CCDC141: variants seen among roughly 807,000 people sequenced by gnomAD.
The protein encoded by CCDC141 is coiled-coil domain-containing protein 141.
Under a neutral mutation model 181.0 loss-of-function variants are expected in CCDC141, and 168 were observed. The ratio of observed to expected loss-of-function variants is 0.93; its 90% CI spans 0.82 to 1.05. CCDC141 has a LOEUF of 1.05. CCDC141 is among the 50% of genes least tolerant of loss of function. The pLI, the probability that CCDC141 is intolerant of heterozygous loss-of-function variation, is 0.00. For synonymous variants in CCDC141, 666 were observed against 642.3 expected (o/e 1.04, Z -0.56); for missense variants, 1,902 against 1,788.5 (o/e 1.06, Z -1.14).
chr2:178,972,903 G>A (rs1270501660), intron 4 of CCDC141, among the ~76,000 whole-genome samples: 1 of 152,130 alleles, frequency 6.6e-6, no homozygotes, highest in Non-Finnish European at 1.5e-5. Context: ...TGCTGAATAA[G>A]GAGAAAGCAT....
intron 2 of CCDC141, among the ~76,000 whole-genome samples, chr2:178,982,947 C>A (rs954345718): frequency 1.3e-5 from 2 of 152,238 alleles, no homozygotes; most frequent in Admixed American, 6.5e-5. Context: ...GAAGCTCGAA[C>A]TGGATGGAGC....
chr2:179,024,575 G>A (rs1218751286), intron 2 of CCDC141, among the ~76,000 whole-genome samples: 6 of 152,170 alleles, frequency 3.9e-5, no homozygotes, highest in Non-Finnish European at 7.3e-5. Context: ...AGTTATAGAA[G>A]GTACTCAGAG....
chr2:179,030,531 T>A (rs2042973538), intron 2 of CCDC141, among the ~76,000 whole-genome samples: 1 of 152,080 alleles, frequency 6.6e-6, no homozygotes, highest in Non-Finnish European at 1.5e-5. Flanking sequence ...GCATTAATGC[T>A]CCCAGAATTT....
intron 7 of CCDC141, among the ~76,000 whole-genome samples, chr2:178,914,306 T>C (rs1486704130): frequency 2.0e-5 from 3 of 152,198 alleles, no homozygotes; most frequent in Admixed American, 6.5e-5. Flanking sequence ...ATTTGACAAA[T>C]AGGTTCATTC....
chr2:179,030,302 A>T (rs1327382339), intron 2 of CCDC141, among the ~76,000 whole-genome samples: 1 of 152,102 alleles, frequency 6.6e-6, no homozygotes, highest in African/African-American at 2.4e-5. Flanking sequence ...AAGTAACAAA[A>T]TACACAATCT....
Position 179,015,819 on chromosome 2 carries a change from T to G in CCDC141, c.225+31465A>C, listed in dbSNP as rs2042513240. Among the ~76,000 whole-genome samples, 5 of 138,658 alleles carry G rather than the reference T, an allele frequency of 3.6e-5. No homozygotes were observed. In the Admixed American group the frequency reaches 3.8e-4, roughly 11 times the overall value. 91.0% of individuals were successfully genotyped at this position (138,658 alleles called of 152,430 possible). A position where few individuals can be genotyped will look rare whatever the true frequency, so the allele number is the denominator to read the frequency against. ...ATCTCATATATGTATCATATATATC[T>G]CATATATGTATCATATATATCTCAT... On this transcript the variant is annotated intron_variant, in intron 2 of 23. Transcript: ENST00000443758.
At chr2:178,977,310 A>C (rs1691163390) in intron 3 of CCDC141, among the ~76,000 whole-genome samples, 2 of 152,156 alleles carry the variant, frequency 1.3e-5, no homozygotes, top group African/African-American at 4.8e-5. Context: ...ATATTGCTCC[A>C]ATGCTAGAAA....
chr2:178,955,790 G>GA (rs1244814918), intron 5 of CCDC141, among the ~76,000 whole-genome samples: 2 of 151,738 alleles, frequency 1.3e-5, no homozygotes, highest in African/African-American at 2.4e-5. Flanking sequence ...ATCACAAGCA[G>GA]AAAAAAAAGA....
Position 178,951,099 on chromosome 2 carries a change from C to T in CCDC141, c.781-6448G>A, listed in dbSNP as rs747749667. Among the ~76,000 whole-genome samples, 10 of 152,126 alleles carry T rather than the reference C, an allele frequency of 6.6e-5. 1 individual carries two copies. The highest frequency in any genetic ancestry group is 5.8e-4 in the East Asian group (3 of 5,194). ...TAAATTTTATTTCTAGCATTACCTC[C>T]GACTCATTGAAAATAACTTCCCCAG... On this transcript the variant is annotated intron_variant, in intron 5 of 23. Transcript: ENST00000443758.
At chr2:179,021,315 A>T (rs2042686514) in intron 2 of CCDC141, among the ~76,000 whole-genome samples, 1 of 152,132 alleles carries the variant, frequency 6.6e-6, no homozygotes, top group Non-Finnish European at 1.5e-5. Context: ...AGCTATGCAA[A>T]CCTAATTGCC....
rs1014803396 is a variant in CCDC141, at chr2:178,831,300, A to C, written c.*2873T>G. On this transcript the variant is annotated 3_prime_UTR_variant, in exon 24 of 24. Transcript: ENST00000443758. ...AATGATTTTGCCTTATGAAAACTTA[A>C]AAACATTTTGTTTTGCAGTTCTTCA... The C allele has an allele frequency of 1.3e-5, 2 of 152,178 alleles. No homozygotes were observed. Among genetic ancestry groups the C allele is most frequent in the African/African-American group, 4.8e-5 (2 of 41,452 alleles). The allele number at this position is 152,178 out of a possible 1,614,324, so 9.4% of individuals were successfully genotyped here.
chr2:178,821,915 C>T, the CCDC141 span, among the ~76,000 whole-genome samples: 1 of 152,012 alleles, frequency 6.6e-6, no homozygotes, highest in Non-Finnish European at 1.5e-5. Flanking sequence ...GGGTATATAC[C>T]CAAAGGACTA....
chr2:178,876,353 A>C (rs1362813209), intron 12 of CCDC141: 1 of 152,226 alleles, frequency 6.6e-6, no homozygotes, highest in Non-Finnish European at 1.5e-5. Flanking sequence ...TGGACTACAC[A>C]ATTTACAGAT....
chr2:178,890,551 T>C (rs1687098359), intron 8 of CCDC141, among the ~76,000 whole-genome samples: 1 of 152,166 alleles, frequency 6.6e-6, no homozygotes, highest in African/African-American at 2.4e-5. Context: ...TTCTTGCAGT[T>C]ATCTATAAGT....
chr2:179,026,039 A>G (rs562088067), intron 2 of CCDC141, among the ~76,000 whole-genome samples: 92 of 152,364 alleles, frequency 6.0e-4, no homozygotes, highest in African/African-American at 2.1e-3. Flanking sequence ...TTATAAGGGA[A>G]GCAGACCATA....
chr2:179,039,238 T>A (rs1412025097), intron 2 of CCDC141, among the ~76,000 whole-genome samples: 1 of 152,224 alleles, frequency 6.6e-6, no homozygotes, highest in Non-Finnish European at 1.5e-5. Flanking sequence ...ATAAGATCTC[T>A]AGCGTACAGA....
intron 7 of CCDC141, among the ~76,000 whole-genome samples, chr2:178,910,844 A>G (rs1400274659): frequency 6.6e-6 from 1 of 152,228 alleles, no homozygotes. Flanking sequence ...CACCTATGGA[A>G]GCTTTTGTCT....
chr2:178,852,051 T>G (rs1685186775), intron 20 of CCDC141, among the ~76,000 whole-genome samples: 1 of 152,238 alleles, frequency 6.6e-6, no homozygotes, highest in African/African-American at 2.4e-5. Context: ...AAATATTTGT[T>G]AAGCAGTTGG....
chr2:178,842,481 G>A (rs539038687), intron 22 of CCDC141, among the ~76,000 whole-genome samples: 1 of 152,196 alleles, frequency 6.6e-6, no homozygotes, highest in South Asian at 2.1e-4. Context: ...TCTGCTGATG[G>A]GCATAATCCC....
Sources: allele counts gnomAD v4.1 joint callset (sites outside exome capture counted in the v4.1 genomes callset), GRCh38; gene constraint gnomAD v4.1.1; transcripts MANE v1.5; gene names NCBI Gene and HGNC (gene_info 2026-07-23, HGNC 2026-07-21).